Variants in PDGFB observed in about 807,000 individuals in gnomAD.
PDGFB encodes the protein platelet derived growth factor subunit B.
PDGFB carries 6 observed loss-of-function variants against 29.0 expected under a neutral mutation model. The ratio of observed to expected loss-of-function variants is 0.21; its 90% CI spans 0.11 to 0.41. The LOEUF is 0.41. Ranked by LOEUF, PDGFB falls within the 10% of genes least tolerant of loss-of-function variation. The probability of loss-of-function intolerance (pLI) is 1.00; values close to 1 mark genes in which losing one functional copy is unlikely to be tolerated. For synonymous variants in PDGFB, 144 were observed against 140.8 expected, an observed-to-expected ratio of 1.02 and a Z score of -0.16; for missense variants, 299 against 341.8, an observed-to-expected ratio of 0.87 and a Z score of 0.99.
rs747730986 is a variant in PDGFB at position 39,231,581 on chromosome 22, A to C, written c.456+41T>G. Reference sequence around the variant, plus strand: ...AGCCCCAGAAGGGTGGTCTCCACCCACCACCGGGACCAGCCTCGGGGGGCC... The same window carrying C: ...AGCCCCAGAAGGGTGGTCTCCACCCCCCACCGGGACCAGCCTCGGGGGGCC... On this transcript the variant is annotated intron_variant, in intron 4 of 6. Coordinates refer to ENST00000331163, the MANE Select transcript of PDGFB (RefSeq NM_002608.4). This position sits in a 1 kb window ranked among gnomAD's most constrained non-coding sequence, Gnocchi z 4.3. 5.2e-5 allele frequency: 76 copies of C among 1,451,032 alleles called. No homozygotes were observed. The highest frequency in any genetic ancestry group is 2.7e-4 in the South Asian group (21 of 77,352). 89.9% of individuals were successfully genotyped at this position (1,451,032 alleles called of 1,614,324 possible).
chr22:39,231,030 C>T lies in PDGFB; in HGVS notation c.456+592G>A, dbSNP rs976614984. ...CCAGTGTATGTATCCCCCGTCCCTC[C>T]GAAGAAAAGCAGGATCAGCATTCCA... On this transcript the variant is annotated intron_variant, in intron 4 of 6. Transcript: ENST00000331163. The surrounding 1 kb of genome is among the most constrained non-coding windows in gnomAD (Gnocchi z 4.3). 2.6e-5 allele frequency among the ~76,000 whole-genome samples: 4 copies of T among 152,214 alleles called. No individual in the cohort carries two copies. Among genetic ancestry groups the T allele is most frequent in the Admixed American group, 6.5e-5 (1 of 15,282 alleles).
chr22:39,231,880 CA>C lies in PDGFB; in HGVS notation c.251-54del. The C allele has an allele frequency of 6.6e-7, 1 of 1,516,600 alleles. No homozygotes were observed. The highest frequency in any genetic ancestry group is 1.8e-5 in the Admixed American group (1 of 56,238). The allele number at this position is 1,516,600 out of a possible 1,614,324, so 93.9% of individuals were successfully genotyped here. Reference sequence around the variant, plus strand: ...AGCGTAGGCCTGTCCAGAGTCCCCCCACTTGGCAGGGGAGCTCAGCGGGTGC... The same window carrying C: ...AGCGTAGGCCTGTCCAGAGTCCCCCCCTTGGCAGGGGAGCTCAGCGGGTGC... On this transcript the variant is annotated intron_variant, in intron 3 of 6. Coordinates refer to ENST00000331163, the MANE Select transcript of PDGFB (RefSeq NM_002608.4). This position sits in a 1 kb window ranked among gnomAD's most constrained non-coding sequence, Gnocchi z 4.3.
chr22:39,228,893 A>AAAGAAAAAAAAAAT, intron 5 of PDGFB, among the ~76,000 whole-genome samples: 1 of 132,622 alleles, frequency 7.5e-6, no homozygotes. Context: ...CCTCAAAAAA[A>AAAGAAAAAAAAAAT]ATATATATAT....
chr22:39,240,804 A>C, intron 1 of PDGFB: 1 of 1,600,746 alleles, frequency 6.2e-7, no homozygotes, highest in South Asian at 1.1e-5. Context: ...TTGTCACAGA[A>C]GAGGCTCCTC....
chr22:39,231,514 G>T lies in PDGFB; in HGVS notation c.456+108C>A. ...CAGGAACAAATCAGGAATGTCCTTC[G>T]ACACACCACTCTGCCCAGTCAAGGA... On this transcript the variant is annotated intron_variant, in intron 4 of 6. Coordinates refer to ENST00000331163, the MANE Select transcript of PDGFB (RefSeq NM_002608.4). The surrounding 1 kb of genome is among the most constrained non-coding windows in gnomAD (Gnocchi z 4.3). 1 of 824,456 alleles carries T rather than the reference G, an allele frequency of 1.2e-6. No homozygotes were observed. The highest frequency in any genetic ancestry group is 1.8e-5 in the South Asian group (1 of 56,088). 51.1% of individuals were successfully genotyped at this position (824,456 alleles called of 1,614,324 possible).
chr22:39,239,140 G>A lies in PDGFB; in HGVS notation c.64-3266C>T, dbSNP rs148728609. On this transcript the variant is annotated intron_variant, in intron 1 of 6. Coordinates refer to ENST00000331163, the MANE Select transcript of PDGFB (RefSeq NM_002608.4). ...AGAGCAGAGCTGCCAGCAGATAATG[G>A]GAGCTTAATGAGTTGTCACTGTCAT... Among the ~76,000 whole-genome samples, 1,200 of 152,284 alleles carry A rather than the reference G, an allele frequency of 7.9e-3. 47 individuals carry two copies. Among genetic ancestry groups the A allele is most frequent in the Admixed American group, 0.066 (1,014 of 15,286 alleles).
chr22:39,230,342 A>AAGCCC (rs1932269374), intron 4 of PDGFB, 114 bp from the exon 5 acceptor site: 1 of 1,049,806 alleles, frequency 9.5e-7, no homozygotes, highest in Admixed American at 2.1e-5. Context: ...CTTTCCTCGA[A>AAGCCC]AGCCCGGAGA....
At chr22:39,238,092 G>A (rs1055362970) in intron 1 of PDGFB, among the ~76,000 whole-genome samples, 9 of 152,208 alleles carry the variant, frequency 5.9e-5, no homozygotes, top group Admixed American at 5.2e-4. Context: ...AGAGGAGGCA[G>A]ACCCCTGAAC....
rs530602531 is a variant in PDGFB at position 39,231,069 on chromosome 22, A to T, written c.456+553T>A. ...ATCAGCATTCCACTGTTGTCAGGGGACCTGCCCCAGCTCCGCAGTGTCTAT... is the reference window on the plus strand; with the variant it reads ...ATCAGCATTCCACTGTTGTCAGGGGTCCTGCCCCAGCTCCGCAGTGTCTAT... On this transcript the variant is annotated intron_variant, in intron 4 of 6. Coordinates refer to ENST00000331163, the MANE Select transcript of PDGFB (RefSeq NM_002608.4). This position sits in a 1 kb window ranked among gnomAD's most constrained non-coding sequence, Gnocchi z 4.3. Among the ~76,000 whole-genome samples the T allele has an allele frequency of 6.6e-6, 1 of 152,226 alleles. No homozygotes were observed. The highest frequency in any genetic ancestry group is 1.9e-4 in the East Asian group (1 of 5,168).
intron 1 of PDGFB, among the ~76,000 whole-genome samples, chr22:39,237,335 C>T (rs568186601): frequency 1.1e-3 from 164 of 152,246 alleles, no homozygotes; most frequent in Admixed American, 1.8e-3. Flanking sequence ...TACATCATTC[C>T]CTGAAACCCC....
intron 1 of PDGFB, among the ~76,000 whole-genome samples, chr22:39,237,110 C>T (rs1227053597): frequency 6.6e-6 from 1 of 152,114 alleles, no homozygotes; most frequent in Admixed American, 6.5e-5. Flanking sequence ...TTTCTCGCTG[C>T]CTGACGGCGG....
chr22:39,227,049 C>T (rs969334836), intron 5 of PDGFB, among the ~76,000 whole-genome samples: 4 of 152,268 alleles, frequency 2.6e-5, no homozygotes, highest in Non-Finnish European at 4.4e-5. Flanking sequence ...ACCTCCACCT[C>T]GCAGGTTCAA....
At position 39,229,094 on chromosome 22, in the gene PDGFB, T is replaced by A. The variant is rs1384089636; in HGVS notation, c.601+990A>T. ...TCTTCAGGGTCTTGTTAATAAGAAA[T>A]GAGAATGAAAAGATTGTCCTGTCCC... On this transcript the variant is annotated intron_variant, in intron 5 of 6. Transcript: ENST00000331163. Among the ~76,000 whole-genome samples, 3 of 152,024 alleles carry A rather than the reference T, an allele frequency of 2.0e-5. No individual in the cohort carries two copies. The East Asian group carries it at 5.8e-4, about 29-fold the overall frequency.
At position 39,243,817 on chromosome 22, in the gene PDGFB, A is replaced by C. The variant is rs1601604295; in HGVS notation, c.63+84T>G. ...CGCGGGCTGCAAGGGTCCAAAGTTC[A>C]CTGCAGGGAGAGGAGGGGGCGGTCA... On this transcript the variant is annotated intron_variant, in intron 1 of 6. Transcript: ENST00000331163. This position sits in a 1 kb window ranked among gnomAD's most constrained non-coding sequence, Gnocchi z 6.4. 8.8e-7 allele frequency: 1 copy of C among 1,133,602 alleles called. No homozygotes were observed. Among genetic ancestry groups the C allele is most frequent in the Non-Finnish European group, 1.3e-6 (1 of 785,220 alleles). 70.2% of individuals were successfully genotyped at this position (1,133,602 alleles called of 1,614,324 possible). A position where few individuals can be genotyped will look rare whatever the true frequency, so the allele number is the denominator to read the frequency against.
At chr22:39,225,476 G>T (rs1932142049) in intron 6 of PDGFB, among the ~76,000 whole-genome samples, 163 bp from the exon 7 acceptor site, 1 of 152,002 alleles carries the variant, frequency 6.6e-6, no homozygotes, top group Non-Finnish European at 1.5e-5. Flanking sequence ...GGAAGATTGA[G>T]ATTTAGACCT....
Position 39,244,017 on chromosome 22 carries a change from G to GC in PDGFB, c.-55dup. ...CCCGGACGCGTAGATCGAGCGCGCC[G>GC]CCCCCGCGGCCAGGGTGGGGGGCTG... On this transcript the variant is annotated 5_prime_UTR_variant, in exon 1 of 7. Coordinates refer to ENST00000331163, the MANE Select transcript of PDGFB (RefSeq NM_002608.4). The surrounding 1 kb of genome is among the most constrained non-coding windows in gnomAD (Gnocchi z 4.5). 9.8e-6 allele frequency: 5 copies of GC among 512,554 alleles called. No individual in the cohort carries two copies. The highest frequency in any genetic ancestry group is 4.5e-4 in the Middle Eastern group (1 of 2,202). 31.8% of individuals were successfully genotyped at this position (512,554 alleles called of 1,614,324 possible).
chr22:39,239,880 G>A (rs1381886238), intron 1 of PDGFB, among the ~76,000 whole-genome samples: 1 of 151,950 alleles, frequency 6.6e-6, no homozygotes, highest in South Asian at 2.1e-4. Flanking sequence ...CACACTCCCC[G>A]GCCCGCCTGC....
At chr22:39,232,921 A>G (rs1218208436) in intron 3 of PDGFB, among the ~76,000 whole-genome samples, 3 of 152,160 alleles carry the variant, frequency 2.0e-5, no homozygotes, top group Admixed American at 6.5e-5. Context: ...GGACCTAATG[A>G]TCTACGGTCT....
chr22:39,239,535 G>C (rs545761804), intron 1 of PDGFB, among the ~76,000 whole-genome samples: 61 of 152,286 alleles, frequency 4.0e-4, no homozygotes, highest in Admixed American at 1.3e-3. Context: ...CCCGGAGCCT[G>C]GTTTTCCTGG....
Sources: gnomAD v4.1 joint callset for allele counts (sites outside exome capture counted in the v4.1 genomes callset) on GRCh38, gnomAD v4.1.1 for gene constraint, Gnocchi (gnomAD v3.1) non-coding constraint, MANE v1.5 for transcripts, NCBI Gene and HGNC (gene_info 2026-07-23, HGNC 2026-07-21) for gene names.